The following MDFIC variants were observed in gnomAD, a reference collection of about 807,000 sequenced individuals.
The protein encoded by MDFIC is MyoD family inhibitor domain containing, also known as myoD family inhibitor domain-containing protein.
In MDFIC, 17 loss-of-function variants were observed where a neutral mutation model predicts 23.2. The observed-to-expected ratio is 0.73, with a 90% CI of 0.50 to 1.10. The LOEUF is 1.10. MDFIC is among the 50% of genes least tolerant of loss of function. The probability of loss-of-function intolerance (pLI) is 0.00; values close to 1 mark genes in which losing one functional copy is unlikely to be tolerated. For synonymous variants in MDFIC, 120 were observed against 115.2 expected (o/e 1.04, Z -0.27); for missense variants, 356 against 316.6 (o/e 1.12, Z -0.95).
intron 4 of MDFIC, among the ~76,000 whole-genome samples, chr7:115,000,961 T>C (rs1791454221): frequency 6.6e-6 from 1 of 152,182 alleles, no homozygotes; most frequent in Non-Finnish European, 1.5e-5. Flanking sequence ...TTAATTGATA[T>C]GCAACATAGT....
At position 115,018,770 on chromosome 7, in the gene MDFIC, A is replaced by T. The variant is rs1049926731; in HGVS notation, c.*2835A>T. ...TGACTTCTTTATTTTGCTTTACCGTATGTTTATATCTAATTGACATATTGA... is the reference window on the plus strand; with the variant it reads ...TGACTTCTTTATTTTGCTTTACCGTTTGTTTATATCTAATTGACATATTGA... On this transcript the variant is annotated 3_prime_UTR_variant, in exon 5 of 5. Coordinates refer to ENST00000393486, the MANE Select transcript of MDFIC (RefSeq NM_001166345.3). The T allele has an allele frequency of 6.6e-6, 1 of 152,186 alleles. No homozygotes were observed. Among genetic ancestry groups the T allele is most frequent in the Non-Finnish European group, 1.5e-5 (1 of 67,854 alleles). The allele number at this position is 152,186 out of a possible 1,614,324, so 9.4% of individuals were successfully genotyped here. A position where few individuals can be genotyped will look rare whatever the true frequency, so the allele number is the denominator to read the frequency against.
chr7:114,942,349 C>G lies in MDFIC; in HGVS notation c.169C>G (p.Gln57Glu). 1 of 1,605,876 alleles carries G rather than the reference C, an allele frequency of 6.2e-7. No individual in the cohort carries two copies. ...TAGCCACTTCACACATGGAGAGATG[C>G]AAGACCAGTCCATTTGGGGAAATCC... is the stretch of plus-strand genomic sequence containing the variant. ...TNSHFTHGEM[Q>E]DQSIWGNPSD... Residue 57 changes from glutamine (Q) to glutamate (E), a missense_variant, in exon 3 of 5, where the codon CAA (glutamine) becomes GAA (glutamate). Coordinates refer to ENST00000393486, the MANE Select transcript of MDFIC (RefSeq NM_001166345.3).
intron 3 of MDFIC, among the ~76,000 whole-genome samples, chr7:114,947,215 G>GT (rs1025289269): frequency 3.5e-4 from 53 of 152,268 alleles, no homozygotes; most frequent in African/African-American, 1.1e-3. Flanking sequence ...TCATCTAGGA[G>GT]TTTTTTCCCT....
intron 4 of MDFIC, among the ~76,000 whole-genome samples, chr7:114,990,224 T>A (rs1410743959): frequency 6.6e-6 from 1 of 152,216 alleles, no homozygotes; most frequent in Admixed American, 6.5e-5. Context: ...TTAATTGTGA[T>A]AATCTTTTAC....
At chr7:114,952,724 C>T (rs1241444536) in intron 3 of MDFIC, among the ~76,000 whole-genome samples, 3 of 152,108 alleles carry the variant, frequency 2.0e-5, no homozygotes, top group African/African-American at 7.2e-5. Context: ...AAAAGATTCC[C>T]ACCATCTCAA....
In MDFIC at chr7:115,018,360, A is replaced by G. The variant is rs1791834676; in HGVS notation, c.*2425A>G. On this transcript the variant is annotated 3_prime_UTR_variant, in exon 5 of 5. Coordinates refer to ENST00000393486, the MANE Select transcript of MDFIC (RefSeq NM_001166345.3). ...TGGTTTGTCTAATATTTAAACATGTACTGGCACAATTTGTGATGAAAATAT... is the reference window on the plus strand; with the variant it reads ...TGGTTTGTCTAATATTTAAACATGTGCTGGCACAATTTGTGATGAAAATAT... 1 of 152,050 alleles carries G rather than the reference A, an allele frequency of 6.6e-6. No homozygotes were observed. The highest frequency in any genetic ancestry group is 6.5e-5 in the Admixed American group (1 of 15,280). 9.4% of individuals were successfully genotyped at this position (152,050 alleles called of 1,614,324 possible).
intron 3 of MDFIC, among the ~76,000 whole-genome samples, chr7:114,961,086 A>G (rs1792981400): frequency 6.6e-6 from 1 of 151,918 alleles, no homozygotes; most frequent in Non-Finnish European, 1.5e-5. Context: ...CCTCCGCACC[A>G]CCCCTGCCTG....
chr7:115,011,299 C>T (rs1164277104), intron 4 of MDFIC, among the ~76,000 whole-genome samples: 1 of 151,712 alleles, frequency 6.6e-6, no homozygotes, highest in Non-Finnish European at 1.5e-5. Flanking sequence ...TAAAATTAAT[C>T]AATATTTATA....
chr7:114,967,116 T>A (rs938250922), intron 3 of MDFIC, among the ~76,000 whole-genome samples: 1 of 152,222 alleles, frequency 6.6e-6, no homozygotes, highest in African/African-American at 2.4e-5. Context: ...GCAGTTGAAA[T>A]TGCTTGTTGC....
Position 114,953,186 on chromosome 7 carries a change from C to A in MDFIC, c.217+10789C>A, listed in dbSNP as rs1169474256. The stretch of plus-strand genomic sequence containing the variant: ...GTTGATTTTTAGTCTAGCTTTACAT[C>A]TTTTAAATAACAAGAACAAGTCATT... On this transcript the variant is annotated intron_variant, in intron 3 of 4. Transcript: ENST00000393486. Among the ~76,000 whole-genome samples, 3 of 152,096 alleles carry A rather than the reference C, an allele frequency of 2.0e-5. No homozygotes were observed. In the East Asian group the frequency reaches 5.8e-4, roughly 29 times the overall value.
chr7:114,989,197 T>C (rs901585166), intron 4 of MDFIC, among the ~76,000 whole-genome samples: 1 of 152,076 alleles, frequency 6.6e-6, no homozygotes, highest in Non-Finnish European at 1.5e-5. Flanking sequence ...AGGGAAAGAA[T>C]GTTTTAAAAA....
At position 114,929,258 on chromosome 7, in the gene MDFIC, C is replaced by G. The variant is rs972511248; in HGVS notation, c.94+6131C>G. On this transcript the variant is annotated intron_variant, in intron 2 of 4. Transcript: ENST00000393486. ...GGTAGCTGGGACTACAGGCGTGTGC[C>G]ACCAAACCTGGCTAATTTTTTGTAT... 5.9e-5 allele frequency among the ~76,000 whole-genome samples: 9 copies of G among 152,110 alleles called. 1 individual carries two copies. In the East Asian group the frequency reaches 1.7e-3, roughly 29 times the overall value.
chr7:114,936,225 C>T (rs1563136474), intron 2 of MDFIC, among the ~76,000 whole-genome samples: 1 of 152,132 alleles, frequency 6.6e-6, no homozygotes, highest in Non-Finnish European at 1.5e-5. Flanking sequence ...GTACTTCTGT[C>T]CCAGAGACAC....
At chr7:114,923,368 G>GA (rs1792129907) in intron 2 of MDFIC, 1 of 1,363,082 alleles carries the variant, frequency 7.3e-7, no homozygotes, top group African/African-American at 1.4e-5. Context: ...TGGTTGCGAA[G>GA]AAACAGGATG....
At chr7:114,942,830 AT>A (rs1735721257) in intron 3 of MDFIC, among the ~76,000 whole-genome samples, 1 of 152,144 alleles carries the variant, frequency 6.6e-6, no homozygotes, top group Admixed American at 6.5e-5. Context: ...TGTTAAAAAA[AT>A]TTTTTGTGAT....
Position 115,016,023 on chromosome 7 carries a change from A to C in MDFIC, c.*88A>C, listed in dbSNP as rs989827799. The C allele has an allele frequency of 3.7e-6, 5 of 1,357,294 alleles. No individual in the cohort carries two copies. Among genetic ancestry groups the C allele is most frequent in the African/African-American group, 1.5e-5 (1 of 68,822 alleles). 84.1% of individuals were successfully genotyped at this position (1,357,294 alleles called of 1,614,324 possible). ...AAAAGCACATTGTAAGATTCTCATG[A>C]AACAACATGGAATTTGCACTGTTAA... On this transcript the variant is annotated 3_prime_UTR_variant, in exon 5 of 5. Coordinates refer to ENST00000393486, the MANE Select transcript of MDFIC (RefSeq NM_001166345.3).
At chr7:114,966,782 G>T (rs1170176116) in intron 3 of MDFIC, among the ~76,000 whole-genome samples, 2 of 152,186 alleles carry the variant, frequency 1.3e-5, no homozygotes, top group African/African-American at 2.4e-5. Context: ...GGAAGATTTT[G>T]ATGCCACAGG....
intron 3 of MDFIC, among the ~76,000 whole-genome samples, chr7:114,950,562 G>C (rs1040512512): frequency 6.6e-6 from 1 of 152,182 alleles, no homozygotes; most frequent in Non-Finnish European, 1.5e-5. Flanking sequence ...AACAGGTATA[G>C]ATATAGTAAA....
chr7:114,978,736 C>G (rs896881229), intron 3 of MDFIC, among the ~76,000 whole-genome samples: 10 of 152,008 alleles, frequency 6.6e-5, no homozygotes, highest in Admixed American at 6.6e-5. Flanking sequence ...GTGCACATCT[C>G]AAAAATTTTG....
Sources: allele counts gnomAD v4.1 joint callset (sites outside exome capture counted in the v4.1 genomes callset), GRCh38; gene constraint gnomAD v4.1.1; transcripts MANE v1.5; gene names NCBI Gene and HGNC (gene_info 2026-07-23, HGNC 2026-07-21).